Variants in CCDC73 observed in about 807,000 individuals in gnomAD.
CCDC73 encodes coiled-coil domain containing 73, also known as coiled-coil domain-containing protein 73.
A neutral mutation model predicts 116.5 loss-of-function variants in CCDC73; 95 were observed. The observed-to-expected ratio is 0.82, with a 90% CI of 0.69 to 0.97. The LOEUF is 0.97. Among genes scored for constraint, CCDC73 ranks in the 50% least tolerant of loss-of-function variants. CCDC73 has a pLI of 0.00. For synonymous variants in CCDC73, 398 were observed against 401.3 expected (o/e 0.99, Z 0.10); for missense variants, 1,066 against 1,206.8 (o/e 0.88, Z 1.73).
chr11:32,660,376 C>T (rs1855912391), intron 9 of CCDC73, among the ~76,000 whole-genome samples: 1 of 151,414 alleles, frequency 6.6e-6, no homozygotes, highest in African/African-American at 2.4e-5. Context: ...CAGGATTCTT[C>T]CAACCCTTCC....
At chr11:32,735,641 C>T (rs1158062789) in intron 2 of CCDC73, among the ~76,000 whole-genome samples, 1 of 152,170 alleles carries the variant, frequency 6.6e-6, no homozygotes, top group Non-Finnish European at 1.5e-5. Flanking sequence ...ACTTTCTTCA[C>T]AGAATTGGAA....
chr11:32,614,676 CT>C lies in CCDC73; in HGVS notation c.1641del (p.Glu548LysfsTer5). The stretch of plus-strand genomic sequence containing the variant: ...CTGGTTCTTTCTAGATGTATTTTTT[CT>C]GTTTCTATTGCTGTATCTAACACTA... The part of the protein sequence containing the change: ...HFVVLDTAIE[T>X]EKIHLERTRG... On this transcript the variant is annotated frameshift_variant, in exon 16 of 18. Coordinates refer to ENST00000335185, the MANE Select transcript of CCDC73 (RefSeq NM_001008391.4). LOFTEE classifies it high-confidence loss of function. The C allele has an allele frequency of 2.5e-6, 4 of 1,612,860 alleles. No individual in the cohort carries two copies. The highest frequency in any genetic ancestry group is 3.4e-6 in the Non-Finnish European group (4 of 1,179,366).
chr11:32,633,887 C>T (rs190327740), intron 14 of CCDC73, among the ~76,000 whole-genome samples: 41 of 152,176 alleles, frequency 2.7e-4, no homozygotes, highest in Admixed American at 2.2e-3. Flanking sequence ...GAGAATCCTC[C>T]CAAAATTCAA....
intron 1 of CCDC73, among the ~76,000 whole-genome samples, chr11:32,775,330 C>A (rs1480739468): frequency 6.6e-6 from 1 of 152,132 alleles, no homozygotes; most frequent in Non-Finnish European, 1.5e-5. Flanking sequence ...ATATCCATAT[C>A]TTTATACAGA....
At chr11:32,695,385 A>C (rs1856301050) in intron 6 of CCDC73, among the ~76,000 whole-genome samples, 1 of 150,904 alleles carries the variant, frequency 6.6e-6, no homozygotes, top group Non-Finnish European at 1.5e-5. Context: ...AAAAAAAAAG[A>C]GCTTGCCTAC....
chr11:32,633,830 T>C (rs533745199), intron 14 of CCDC73, among the ~76,000 whole-genome samples: 1 of 152,330 alleles, frequency 6.6e-6, no homozygotes, highest in African/African-American at 2.4e-5. Context: ...CCACATTGTT[T>C]GTACTAATAG....
At chr11:32,787,745 A>T (rs899386238) in intron 1 of CCDC73, among the ~76,000 whole-genome samples, 3 of 152,174 alleles carry the variant, frequency 2.0e-5, no homozygotes, top group Non-Finnish European at 4.4e-5. Flanking sequence ...ATACCCATTA[A>T]TTATACACAA....
chr11:32,691,110 T>A (rs1180866606), intron 6 of CCDC73, among the ~76,000 whole-genome samples: 1 of 151,150 alleles, frequency 6.6e-6, no homozygotes, highest in Non-Finnish European at 1.5e-5. Context: ...AATGGTGTGA[T>A]CTCGGCTCAC....
chr11:32,803,993 A>T, the CCDC73 span, among the ~76,000 whole-genome samples: 1 of 151,918 alleles, frequency 6.6e-6, no homozygotes, highest in African/African-American at 2.4e-5. Flanking sequence ...TATTTTTAGT[A>T]GAGACAGGGT....
chr11:32,798,291 A>T (rs950948625), upstream of CCDC73, among the ~76,000 whole-genome samples: 1 of 152,254 alleles, frequency 6.6e-6, no homozygotes, highest in Non-Finnish European at 1.5e-5. Flanking sequence ...TTCAAAAAGT[A>T]TGAGCTGTTG....
At chr11:32,622,968 T>C (rs2133229706) in intron 14 of CCDC73, among the ~76,000 whole-genome samples, 1 of 152,236 alleles carries the variant, frequency 6.6e-6, no homozygotes, top group Admixed American at 6.5e-5. Context: ...CCAAAGGGAA[T>C]GGATGTAATG....
At chr11:32,810,096 A>G in the CCDC73 span, among the ~76,000 whole-genome samples, 2 of 152,204 alleles carry the variant, frequency 1.3e-5, no homozygotes, top group Non-Finnish European at 2.9e-5. Flanking sequence ...AAACTTTTTA[A>G]TGTAAAATAC....
chr11:32,603,661 T>C (rs1194950922), intron 17 of CCDC73: 3 of 152,236 alleles, frequency 2.0e-5, no homozygotes, highest in Non-Finnish European at 4.4e-5. Context: ...ATGTTTGATA[T>C]ATCTCCTACT....
intron 2 of CCDC73, among the ~76,000 whole-genome samples, chr11:32,740,992 T>A (rs995658802): frequency 2.0e-5 from 3 of 152,170 alleles, no homozygotes; most frequent in Non-Finnish European, 4.4e-5. Context: ...CCAAAATTCC[T>A]CATTATTGAT....
intron 4 of CCDC73, among the ~76,000 whole-genome samples, chr11:32,701,672 G>A (rs538615000): frequency 6.6e-6 from 1 of 151,866 alleles, no homozygotes; most frequent in South Asian, 2.1e-4. Context: ...TGGGCTACAG[G>A]GCAAGACTAT....
chr11:32,796,154 C>T (rs954571785), upstream of CCDC73, among the ~76,000 whole-genome samples: 1 of 152,200 alleles, frequency 6.6e-6, no homozygotes, highest in African/African-American at 2.4e-5. Context: ...TTGACCCCAC[C>T]TTGTTTTATT....
At chr11:32,712,102 C>A (rs979640755) in intron 3 of CCDC73, among the ~76,000 whole-genome samples, 1 of 152,122 alleles carries the variant, frequency 6.6e-6, no homozygotes, top group Non-Finnish European at 1.5e-5. Context: ...CTCCTATGAA[C>A]TTTTATTACT....
intron 14 of CCDC73, among the ~76,000 whole-genome samples, chr11:32,628,632 A>G (rs1375191098): frequency 2.0e-5 from 3 of 152,232 alleles, no homozygotes; most frequent in African/African-American, 4.8e-5. Context: ...AGATGCTTCC[A>G]TAAGTTTAAA....
intron 2 of CCDC73, among the ~76,000 whole-genome samples, chr11:32,735,140 A>T (rs571086292): frequency 1.6e-3 from 247 of 152,328 alleles, no homozygotes; most frequent in African/African-American, 5.7e-3. Context: ...CACCACTCCT[A>T]TTCAACATAG....
Sources: gnomAD v4.1 joint callset for allele counts (sites outside exome capture counted in the v4.1 genomes callset) on GRCh38, gnomAD v4.1.1 for gene constraint, MANE v1.5 for transcripts, NCBI Gene and HGNC (gene_info 2026-07-23, HGNC 2026-07-21) for gene names.